Variants in PCDH15 observed in about 807,000 individuals in gnomAD.
PCDH15 encodes the protein protocadherin-15.
In PCDH15, 129 loss-of-function variants were observed where a neutral mutation model predicts 178.5. The observed-to-expected ratio is 0.72, with a 90% CI of 0.63 to 0.84. The LOEUF is 0.84. PCDH15 is among the 40% of genes least tolerant of loss of function. The pLI, the probability that PCDH15 is intolerant of heterozygous loss-of-function variation, is 0.00. For synonymous variants in PCDH15, 800 were observed against 732.0 expected, an observed-to-expected ratio of 1.09 and a Z score of -1.50; for missense variants, 2,230 against 2,099.9, an observed-to-expected ratio of 1.06 and a Z score of -1.21.
At chr10:54,687,929 A>G (rs1265377977) in intron 1 of PCDH15, among the ~76,000 whole-genome samples, 2 of 152,108 alleles carry the variant, frequency 1.3e-5, no homozygotes, top group African/African-American at 4.8e-5. Flanking sequence ...GTTTCAGTCA[A>G]GCCAGGTAAA....
At chr10:55,214,704 T>C (rs2132175002) in intron 1 of PCDH15, among the ~76,000 whole-genome samples, 1 of 152,190 alleles carries the variant, frequency 6.6e-6, no homozygotes, top group Non-Finnish European at 1.5e-5. Flanking sequence ...CTGGAACTCC[T>C]GGGCTCAAGA....
chr10:53,888,378 T>C (rs1589261078), intron 26 of PCDH15, among the ~76,000 whole-genome samples: 1 of 99,126 alleles, frequency 1.0e-5, no homozygotes, highest in African/African-American at 3.9e-5. Context: ...ATATATTCCA[T>C]ATCAGTTGTT....
intron 32 of PCDH15, chr10:53,821,917 A>G: frequency 1.9e-6 from 3 of 1,613,694 alleles, no homozygotes; most frequent in Non-Finnish European, 2.5e-6. Context: ...ATATTGTTCA[A>G]ACTCCCCTTG....
intron 3 of PCDH15, among the ~76,000 whole-genome samples, chr10:54,813,647 C>T (rs193200225): frequency 3.4e-4 from 52 of 152,264 alleles, no homozygotes; most frequent in Non-Finnish European, 6.8e-4. Context: ...TATTCTCCAA[C>T]CTCTGTGTAC....
At chr10:54,483,241 T>C (rs1337698130) in intron 3 of PCDH15, among the ~76,000 whole-genome samples, 2 of 151,850 alleles carry the variant, frequency 1.3e-5, no homozygotes, top group Non-Finnish European at 2.9e-5. Context: ...AGAGGGGTCA[T>C]ATTTGCAGGG....
At chr10:55,463,263 A>T (rs184938968) in intron 2 of PCDH15, among the ~76,000 whole-genome samples, 21 of 152,252 alleles carry the variant, frequency 1.4e-4, no homozygotes, top group African/African-American at 4.6e-4. Flanking sequence ...GAATGACTAG[A>T]GTTATACTGA....
intron 3 of PCDH15, among the ~76,000 whole-genome samples, chr10:54,848,116 T>A (rs767440537): frequency 6.6e-6 from 1 of 152,242 alleles, no homozygotes; most frequent in Non-Finnish European, 1.5e-5. Flanking sequence ...CATTGGCTCA[T>A]GCCTGTAATC....
intron 1 of PCDH15, among the ~76,000 whole-genome samples, chr10:55,312,774 T>C (rs1276844023): frequency 6.6e-6 from 1 of 152,042 alleles, no homozygotes; most frequent in Admixed American, 6.6e-5. Flanking sequence ...TGCACCACCA[T>C]GCCCAGCTAA....
rs1200364780 is a variant in PCDH15 at position 54,002,006 on chromosome 10, T to C, written c.2752-6241A>G. Reference sequence around the variant, plus strand: ...AGGTCACTATATAATGATAAATGTATCAATTTATCAGGAAGATATAACAAT... The same window carrying C: ...AGGTCACTATATAATGATAAATGTACCAATTTATCAGGAAGATATAACAAT... On this transcript the variant is annotated intron_variant, in intron 20 of 37. Coordinates refer to ENST00000644397, the MANE Select transcript of PCDH15 (RefSeq NM_001384140.1). Among the ~76,000 whole-genome samples, 4 of 150,326 alleles carry C rather than the reference T, an allele frequency of 2.7e-5. No individual in the cohort carries two copies. In the East Asian group the frequency reaches 7.8e-4, roughly 29 times the overall value.
chr10:54,535,064 G>A (rs922596984), intron 2 of PCDH15, among the ~76,000 whole-genome samples: 1 of 152,098 alleles, frequency 6.6e-6, no homozygotes, highest in Non-Finnish European at 1.5e-5. Context: ...TCAAGAACAG[G>A]ATATGCTACT....
At chr10:55,567,816 C>T (rs75607286) in intron 2 of PCDH15, among the ~76,000 whole-genome samples, 8,906 of 151,592 alleles carry the variant, frequency 0.059, 582 homozygotes, top group East Asian at 0.31. Context: ...AAACTTGTTA[C>T]ACCGTTGGCA....
chr10:55,240,333 C>T (rs184703497), intron 1 of PCDH15, among the ~76,000 whole-genome samples: 2 of 152,236 alleles, frequency 1.3e-5, no homozygotes, highest in African/African-American at 4.8e-5. Context: ...TTTGGAATTT[C>T]ATCACCCTAC....
chr10:53,887,086 G>A (rs2069215), intron 26 of PCDH15, among the ~76,000 whole-genome samples: 2,972 of 152,248 alleles, frequency 0.02, 102 homozygotes, highest in East Asian at 0.13. Flanking sequence ...CTGAAACCAA[G>A]AACCAAAGTA....
chr10:53,872,108 A>T (rs1401194793), intron 26 of PCDH15, among the ~76,000 whole-genome samples: 1 of 152,148 alleles, frequency 6.6e-6, no homozygotes, highest in Non-Finnish European at 1.5e-5. Context: ...TTGTTGCCAA[A>T]CATAATGAGG....
chr10:55,402,195 A>T (rs968701036), intron 2 of PCDH15, among the ~76,000 whole-genome samples: 11 of 151,648 alleles, frequency 7.3e-5, no homozygotes, highest in Admixed American at 2.0e-4. Flanking sequence ...CTTTGGCATG[A>T]ACCATTGGGA....
At chr10:55,147,539 T>C (rs1838556016) in intron 2 of PCDH15, among the ~76,000 whole-genome samples, 3 of 151,656 alleles carry the variant, frequency 2.0e-5, no homozygotes, top group South Asian at 2.1e-4. Flanking sequence ...TTCTGGACTT[T>C]AGGGTAGACA....
At chr10:54,122,564 C>T (rs1312160433) in intron 15 of PCDH15, among the ~76,000 whole-genome samples, 6 of 144,116 alleles carry the variant, frequency 4.2e-5, no homozygotes, top group African/African-American at 1.3e-4. Flanking sequence ...GAGGAAGAAA[C>T]AAAAGCATCC....
chr10:55,533,163 G>A lies in PCDH15; in HGVS notation c.-156+94462C>T, dbSNP rs146303772. Among the ~76,000 whole-genome samples, 7 of 152,026 alleles carry A rather than the reference G, an allele frequency of 4.6e-5. No homozygotes were observed. The East Asian group carries it at 5.8e-4, about 13-fold the overall frequency. ...AGCTGAAAGCACTCGCCTTGAAAAC[G>A]GCACAAGGTAAGGATGCCCTCTCTT... On this transcript the variant is annotated intron_variant, in intron 2 of 5. Coordinates refer to the PCDH15 transcript ENST00000613346.
At chr10:54,733,668 T>A (rs936099868) in intron 1 of PCDH15, among the ~76,000 whole-genome samples, 2 of 151,756 alleles carry the variant, frequency 1.3e-5, no homozygotes, top group African/African-American at 4.8e-5. Flanking sequence ...AGAATTTATT[T>A]CAAGATCTCC....
Sources: gnomAD v4.1 joint callset for allele counts (sites outside exome capture counted in the v4.1 genomes callset) on GRCh38, gnomAD v4.1.1 for gene constraint, MANE v1.5 for transcripts, NCBI Gene and HGNC (gene_info 2026-07-23, HGNC 2026-07-21) for gene names.